The following ZDHHC3 variants were observed in gnomAD, a reference collection of about 807,000 sequenced individuals.
ZDHHC3 encodes palmitoyltransferase ZDHHC3.
In ZDHHC3, 9 loss-of-function variants were observed where a neutral mutation model predicts 30.6. The observed-to-expected ratio is 0.29, with a 90% CI of 0.18 to 0.51. ZDHHC3 has a LOEUF of 0.51. ZDHHC3 is among the 20% of genes least tolerant of loss of function. The probability of loss-of-function intolerance (pLI) is 0.97; values close to 1 mark genes in which losing one functional copy is unlikely to be tolerated. For synonymous variants in ZDHHC3, 136 were observed against 140.2 expected (o/e 0.97, Z 0.21); for missense variants, 246 against 384.2 (o/e 0.64, Z 3.01).
chr3:44,918,688 A>G lies in ZDHHC3; in HGVS notation c.*8001T>C. On this transcript the variant is annotated 3_prime_UTR_variant, in exon 7 of 7. Coordinates refer to ENST00000424952, the MANE Select transcript of ZDHHC3 (RefSeq NM_001135179.2). The stretch of plus-strand genomic sequence containing the variant: ...CGTACAGCAAGTGCCAACATGCATT[A>G]GGCAGCCGGAGGGCACACAGGACCA... The G allele has an allele frequency of 1.0e-6, 1 of 996,932 alleles. No individual in the cohort carries two copies. Among genetic ancestry groups the G allele is most frequent in the Non-Finnish European group, 1.2e-6 (1 of 835,362 alleles). 61.8% of individuals were successfully genotyped at this position (996,932 alleles called of 1,614,324 possible). A position where few individuals can be genotyped will look rare whatever the true frequency, so the allele number is the denominator to read the frequency against.
At chr3:44,940,053 C>T (rs1244620787) in intron 3 of ZDHHC3, among the ~76,000 whole-genome samples, 1 of 152,302 alleles carries the variant, frequency 6.6e-6, no homozygotes, top group East Asian at 1.9e-4. Context: ...CCTGGAGCAA[C>T]CAAGGACAGG....
chr3:44,920,010 A>G lies in ZDHHC3; in HGVS notation c.*6679T>C, dbSNP rs1471094943. ...AAAAGATGGTTTAATATGGTTTTAC[A>G]TGACATTAGAACATTTGTCTGAGTG... On this transcript the variant is annotated 3_prime_UTR_variant, in exon 7 of 7. Coordinates refer to ENST00000424952, the MANE Select transcript of ZDHHC3 (RefSeq NM_001135179.2). 3.4e-6 allele frequency: 4 copies of G among 1,161,480 alleles called. No individual in the cohort carries two copies. 71.9% of individuals were successfully genotyped at this position (1,161,480 alleles called of 1,614,324 possible).
intron 2 of ZDHHC3, among the ~76,000 whole-genome samples, chr3:44,957,622 C>T (rs185875974): frequency 1.2e-3 from 182 of 152,326 alleles, no homozygotes; most frequent in Non-Finnish European, 1.8e-3. Context: ...TGCATTCCTA[C>T]GTCTCTGTGC....
chr3:44,960,454 CTT>C (rs1704378550), intron 1 of ZDHHC3, among the ~76,000 whole-genome samples: 1 of 152,248 alleles, frequency 6.6e-6, no homozygotes, highest in Non-Finnish European at 1.5e-5. Flanking sequence ...GCAAAGCACT[CTT>C]TCTCTCTAGA....
chr3:44,975,875 T>G, intron 1 of ZDHHC3, 58 bp downstream of exon 1: 7 of 169,334 alleles, frequency 4.1e-5, no homozygotes, highest in East Asian at 3.6e-4. Flanking sequence ...CCCCGGCCCG[T>G]GAGGCTCGCC....
At chr3:44,948,357 C>A (rs1353922950) in intron 2 of ZDHHC3, among the ~76,000 whole-genome samples, 1 of 152,174 alleles carries the variant, frequency 6.6e-6, no homozygotes, top group Non-Finnish European at 1.5e-5. Context: ...ACAGAAAAAT[C>A]TTTAAGTGCT....
Position 44,959,380 on chromosome 3 carries a change from G to A in ZDHHC3, c.57C>T (p.Leu19=). 1.2e-6 allele frequency: 2 copies of A among 1,614,226 alleles called. No homozygotes were observed. Among genetic ancestry groups the A allele is most frequent in the Non-Finnish European group, 1.7e-6 (2 of 1,180,034 alleles). ...GGGGTGGGACACACTTCTCTGGCTG[G>A]AGGTATTCTGGTTTCCGCTCAATGT... The part of the protein sequence containing the change: ...FRNIERKPEY[L]QPEKCVPPPY... Residue 19 remains leucine (L), a synonymous_variant, in exon 2 of 7, where the codon CTC becomes CTT. Transcript: ENST00000424952. The surrounding 1 kb of genome is among the most constrained non-coding windows in gnomAD (Gnocchi z 4.3).
At chr3:44,932,097 G>A (rs932402362) in intron 5 of ZDHHC3, among the ~76,000 whole-genome samples, 3 of 152,032 alleles carry the variant, frequency 2.0e-5, no homozygotes, top group African/African-American at 7.2e-5. Context: ...TATCCTAATT[G>A]GACTCCCTTG....
rs1225490743 is a variant in ZDHHC3, at chr3:44,945,645, C to T, written c.307-353G>A. Among the ~76,000 whole-genome samples, 4 of 151,894 alleles carry T rather than the reference C, an allele frequency of 2.6e-5. No homozygotes were observed. In the East Asian group the frequency reaches 7.7e-4, roughly 29 times the overall value. On this transcript the variant is annotated intron_variant, in intron 2 of 6. Transcript: ENST00000424952. ...TAATCTCGGCTTGCTGCAACCTCTG[C>T]CTCCTGGGTTCAAGCGATTTTCCTG...
intron 3 of ZDHHC3, among the ~76,000 whole-genome samples, chr3:44,942,166 T>C (rs1249245892): frequency 6.6e-6 from 1 of 152,256 alleles, no homozygotes; most frequent in Non-Finnish European, 1.5e-5. Context: ...CGCAAACGTA[T>C]GTGCACACAT....
chr3:44,947,479 C>T (rs1703050394), intron 2 of ZDHHC3, among the ~76,000 whole-genome samples: 1 of 152,170 alleles, frequency 6.6e-6, no homozygotes, highest in Non-Finnish European at 1.5e-5. Flanking sequence ...TGAGGCAGGA[C>T]TCATCTTATC....
At position 44,959,025 on chromosome 3, in the gene ZDHHC3, C is replaced by T; in HGVS notation, c.306+106G>A. The T allele has an allele frequency of 1.4e-6, 2 of 1,396,682 alleles. No individual in the cohort carries two copies. Among genetic ancestry groups the T allele is most frequent in the Non-Finnish European group, 2.0e-6 (2 of 1,014,820 alleles). The allele number at this position is 1,396,682 out of a possible 1,614,324, so 86.5% of individuals were successfully genotyped here. On this transcript the variant is annotated intron_variant, in intron 2 of 6. Transcript: ENST00000424952. This position sits in a 1 kb window ranked among gnomAD's most constrained non-coding sequence, Gnocchi z 4.3. ...ACTTCCTCACCCTCCCCTGGCCCTC[C>T]TATCCTCCAAGTTCCCAAGGTCCAG... is the stretch of plus-strand genomic sequence containing the variant.
At chr3:44,931,111 C>A (rs1701450029) in intron 5 of ZDHHC3, among the ~76,000 whole-genome samples, 1 of 152,220 alleles carries the variant, frequency 6.6e-6, no homozygotes, top group Non-Finnish European at 1.5e-5. Flanking sequence ...TGCTGTACAA[C>A]CAGCCTTGGG....
At position 44,921,461 on chromosome 3, in the gene ZDHHC3, T is replaced by A. The variant is rs1475188583; in HGVS notation, c.*5228A>T. ...TTTTTCTGTTGCATTCCAGAACACA[T>A]ATACACACAACTCCCTAAGCTTCAT... is the stretch of plus-strand genomic sequence containing the variant. On this transcript the variant is annotated 3_prime_UTR_variant, in exon 7 of 7. Coordinates refer to ENST00000424952, the MANE Select transcript of ZDHHC3 (RefSeq NM_001135179.2). 1.0e-6 allele frequency: 1 copy of A among 985,324 alleles called. No homozygotes were observed. Among genetic ancestry groups the A allele is most frequent in the Non-Finnish European group, 1.2e-6 (1 of 829,938 alleles). The allele number at this position is 985,324 out of a possible 1,614,324, so 61.0% of individuals were successfully genotyped here.
intron 1 of ZDHHC3, among the ~76,000 whole-genome samples, chr3:44,964,614 T>C (rs1704773045): frequency 6.6e-6 from 1 of 152,214 alleles, no homozygotes; most frequent in African/African-American, 2.4e-5. Context: ...GCAGGAATAG[T>C]ACTCATGCTG....
chr3:44,941,932 C>T (rs1030931426), intron 3 of ZDHHC3, among the ~76,000 whole-genome samples: 2 of 152,214 alleles, frequency 1.3e-5, no homozygotes, highest in Non-Finnish European at 2.9e-5. Context: ...GCATAAATGG[C>T]TCCTCCCACA....
intron 1 of ZDHHC3, among the ~76,000 whole-genome samples, chr3:44,971,852 G>A (rs142684177): frequency 2.1e-4 from 32 of 152,182 alleles, no homozygotes; most frequent in African/African-American, 6.7e-4. Context: ...GACTATGACA[G>A]TATTCTTTAC....
At chr3:44,975,896 T>A in intron 1 of ZDHHC3, 37 bp downstream of exon 1, 1 of 181,016 alleles carries the variant, frequency 5.5e-6, no homozygotes, top group Non-Finnish European at 1.1e-5. Flanking sequence ...TCACCCCAGC[T>A]TCTTCACCCC....
chr3:44,955,822 T>C (rs1251031179), intron 2 of ZDHHC3, among the ~76,000 whole-genome samples: 2 of 152,132 alleles, frequency 1.3e-5, no homozygotes, highest in East Asian at 1.9e-4. Flanking sequence ...GCATGAGATA[T>C]CATGTGCTGG....
Sources: allele counts gnomAD v4.1 joint callset (sites outside exome capture counted in the v4.1 genomes callset), GRCh38; gene constraint gnomAD v4.1.1; non-coding constraint Gnocchi (gnomAD v3.1); transcripts MANE v1.5; gene names NCBI Gene and HGNC (gene_info 2026-07-23, HGNC 2026-07-21).